The following PPP6R3 variants were observed in gnomAD, a reference collection of about 807,000 sequenced individuals.
PPP6R3 encodes serine/threonine-protein phosphatase 6 regulatory subunit 3.
A neutral mutation model predicts 110.7 loss-of-function variants in PPP6R3; 38 were observed. That is an observed-to-expected ratio of 0.34 (90% confidence interval 0.26 to 0.45). The LOEUF (loss-of-function observed/expected upper bound fraction) is 0.45, where lower values mean the gene tolerates loss of function less well. PPP6R3 is among the 20% of genes least tolerant of loss of function. The pLI is 1.00. For missense variants in PPP6R3, 870 were observed against 1,062.4 expected (o/e 0.82, Z 2.52); for synonymous variants, 369 against 373.5 (o/e 0.99, Z 0.14).
At position 68,564,256 on chromosome 11, in the gene PPP6R3, A is replaced by C. The variant is rs1565874083; in HGVS notation, c.846-47A>C. 5.9e-6 allele frequency: 9 copies of C among 1,535,908 alleles called. No homozygotes were observed. In the Admixed American group the frequency reaches 9.2e-5, roughly 16 times the overall value. ...CATACATGGTCGATAACCTTGAATG[A>C]TTTGTTCTGAAATTATAATAACTAA... On this transcript the variant is annotated intron_variant, in intron 8 of 23. Transcript: ENST00000393800.
At chr11:68,593,209 A>G (rs1275189786) in intron 18 of PPP6R3, among the ~76,000 whole-genome samples, 2 of 5,278 alleles carry the variant, frequency 3.8e-4, no homozygotes, top group Non-Finnish European at 6.9e-4. Context: ...GTCCCCCACA[A>G]CCGTCTGTTT....
intron 18 of PPP6R3, among the ~76,000 whole-genome samples, chr11:68,593,354 C>G (rs531370437): frequency 6.6e-6 from 1 of 152,130 alleles, no homozygotes; most frequent in Non-Finnish European, 1.5e-5. Flanking sequence ...ATTAGTAGTC[C>G]ATTTCTATTT....
Position 68,574,122 on chromosome 11 carries a change from A to G in PPP6R3, c.1357A>G (p.Arg453Gly), listed in dbSNP as rs1485420764. 1 of 1,613,750 alleles carries G rather than the reference A, an allele frequency of 6.2e-7. No homozygotes were observed. The highest frequency in any genetic ancestry group is 1.7e-5 in the Admixed American group (1 of 60,024). ...ACCTCTTGTCAGGGCTGAGGGAGGA[A>G]GACGGCATGGTTACATGGGACACCT... ...MNEKKQAEGG[R>G]RHGYMGHLTR... is the part of the protein sequence containing the mutation. The change falls in exon 13 of 24, where the codon AGA becomes GGA. Residue 453 changes from arginine (R) to glycine (G), a missense_variant. By Grantham distance (125) the Arg-to-Gly change is moderately radical. Coordinates refer to ENST00000393800, the MANE Select transcript of PPP6R3 (RefSeq NM_001164161.2).
At position 68,566,907 on chromosome 11, in the gene PPP6R3, T is replaced by G. The variant is rs1036408687; in HGVS notation, c.976-107T>G. On this transcript the variant is annotated intron_variant, in intron 9 of 23. Transcript: ENST00000393800. ...TTAGATGTTGTTTCAGGTGTAAAAT[T>G]CAGGCCATGTTGTTTGCAGGGTTTA... The G allele has an allele frequency of 4.5e-6, 4 of 886,230 alleles. No homozygotes were observed. The African/African-American group carries it at 6.9e-5, about 15-fold the overall frequency. 54.9% of individuals were successfully genotyped at this position (886,230 alleles called of 1,614,324 possible).
At chr11:68,494,485 C>G (rs553955207) in intron 1 of PPP6R3, among the ~76,000 whole-genome samples, 1 of 150,420 alleles carries the variant, frequency 6.6e-6, no homozygotes. Flanking sequence ...ACCTGTTTCC[C>G]TATATTCCCC....
intron 8 of PPP6R3, 151 bp downstream of exon 8, chr11:68,558,830 A>G (rs2099408758): frequency 1.6e-6 from 1 of 609,736 alleles, no homozygotes; most frequent in Non-Finnish European, 2.8e-6. Flanking sequence ...CTAATTTTAT[A>G]TGAATACCAC....
chr11:68,557,520 T>C (rs1172820318), intron 7 of PPP6R3, among the ~76,000 whole-genome samples: 1 of 151,972 alleles, frequency 6.6e-6, no homozygotes, highest in African/African-American at 2.4e-5. Flanking sequence ...TTTCTTTTTT[T>C]TCTTTTTTCT....
chr11:68,497,598 G>T (rs905196402), intron 1 of PPP6R3, among the ~76,000 whole-genome samples: 1 of 152,006 alleles, frequency 6.6e-6, no homozygotes, highest in Non-Finnish European at 1.5e-5. Context: ...CAAATGGTCT[G>T]CCTGCCTCGG....
intron 1 of PPP6R3, among the ~76,000 whole-genome samples, chr11:68,492,230 C>G (rs980892199): frequency 6.6e-6 from 1 of 152,172 alleles, no homozygotes. Flanking sequence ...GATCATAGCT[C>G]ACTGCAACCT....
intron 1 of PPP6R3, among the ~76,000 whole-genome samples, chr11:68,467,001 A>G (rs1172412293): frequency 1.3e-5 from 2 of 152,218 alleles, no homozygotes; most frequent in African/African-American, 4.8e-5. Flanking sequence ...TTGGCCTCCC[A>G]AAGTGCTGGG....
In PPP6R3 at chr11:68,570,207, G is replaced by A. The variant is rs1176486712; in HGVS notation, c.1278+310G>A. 2.6e-5 allele frequency among the ~76,000 whole-genome samples: 4 copies of A among 152,176 alleles called. No individual in the cohort carries two copies. In the East Asian group the frequency reaches 7.7e-4, roughly 29 times the overall value. On this transcript the variant is annotated intron_variant, in intron 11 of 23. Transcript: ENST00000393800. The stretch of plus-strand genomic sequence containing the variant: ...AGAATCATAGAAATTTAAATACTAT[G>A]GAAAACATTTGCACTATTATTTGGC...
intron 1 of PPP6R3, among the ~76,000 whole-genome samples, chr11:68,471,343 A>G (rs191439855): frequency 6.6e-6 from 1 of 152,078 alleles, no homozygotes; most frequent in African/African-American, 2.4e-5. Flanking sequence ...GGCATTTAAC[A>G]GTCCCGAGGT....
chr11:68,560,328 G>T (rs1325496018), intron 8 of PPP6R3, among the ~76,000 whole-genome samples: 1 of 152,158 alleles, frequency 6.6e-6, no homozygotes, highest in Non-Finnish European at 1.5e-5. Context: ...TAGGAAAAAA[G>T]TAGAAAAGAG....
At chr11:68,504,679 G>A (rs2099066369) in intron 1 of PPP6R3, among the ~76,000 whole-genome samples, 1 of 152,196 alleles carries the variant, frequency 6.6e-6, no homozygotes, top group Admixed American at 6.5e-5. Context: ...AGCAGCAATG[G>A]GGATTCTACT....
intron 2 of PPP6R3, 24 bp from the exon 3 acceptor site, chr11:68,537,634 GA>G: frequency 7.2e-7 from 1 of 1,381,450 alleles, no homozygotes; most frequent in East Asian, 2.3e-5. Flanking sequence ...GAAATTTTAT[GA>G]AATACTTTCT....
intron 22 of PPP6R3, among the ~76,000 whole-genome samples, chr11:68,605,793 TG>T (rs1380184248): frequency 8.5e-5 from 13 of 152,202 alleles, no homozygotes; most frequent in African/African-American, 3.1e-4. Flanking sequence ...CAACTGTCTG[TG>T]GAGGAAAACA....
chr11:68,482,862 G>A (rs2098924322), intron 1 of PPP6R3, among the ~76,000 whole-genome samples: 1 of 151,748 alleles, frequency 6.6e-6, no homozygotes, highest in African/African-American at 2.4e-5. Context: ...AAATATAATA[G>A]CACCATACTA....
At chr11:68,538,560 G>C (rs887115682) in intron 3 of PPP6R3, among the ~76,000 whole-genome samples, 11 of 152,156 alleles carry the variant, frequency 7.2e-5, no homozygotes, top group Non-Finnish European at 1.3e-4. Flanking sequence ...AACAAAAATT[G>C]ATGCATTACA....
intron 16 of PPP6R3, among the ~76,000 whole-genome samples, chr11:68,590,112 A>G (rs1283559786): frequency 6.6e-6 from 1 of 152,224 alleles, no homozygotes; most frequent in Non-Finnish European, 1.5e-5. Flanking sequence ...TGGAACAAAT[A>G]TTTTAAGAAT....
Sources: allele counts gnomAD v4.1 joint callset (sites outside exome capture counted in the v4.1 genomes callset), GRCh38; gene constraint gnomAD v4.1.1; transcripts MANE v1.5; gene names NCBI Gene and HGNC (gene_info 2026-07-23, HGNC 2026-07-21).